The following ASIC2 variants were observed in gnomAD, a reference collection of about 807,000 sequenced individuals.
The protein encoded by ASIC2 is acid sensing ion channel subunit 2.
ASIC2 carries 25 observed loss-of-function variants against 57.3 expected under a neutral mutation model. The observed-to-expected ratio is 0.44, with a 90% CI of 0.32 to 0.61. The LOEUF (loss-of-function observed/expected upper bound fraction) is 0.61. ASIC2 is among the 20% of genes least tolerant of loss of function. The pLI is 0.06. For missense variants in ASIC2, 641 were observed against 738.1 expected, an observed-to-expected ratio of 0.87 and a Z score of 1.52; for synonymous variants, 319 against 307.5, an observed-to-expected ratio of 1.04 and a Z score of -0.39.
intron 1 of ASIC2, among the ~76,000 whole-genome samples, chr17:33,492,739 A>G (rs1044181833): frequency 6.6e-6 from 1 of 152,190 alleles, no homozygotes; most frequent in Non-Finnish European, 1.5e-5. Flanking sequence ...CATCTCTACC[A>G]TCTGTGATCC....
At chr17:33,018,426 G>A (rs2091819012) in intron 7 of ASIC2, among the ~76,000 whole-genome samples, 1 of 152,172 alleles carries the variant, frequency 6.6e-6, no homozygotes, top group African/African-American at 2.4e-5. Context: ...TGCATTCTCG[G>A]GCCCACCAGA....
At chr17:34,097,052 A>C (rs900127876) in intron 1 of ASIC2, among the ~76,000 whole-genome samples, 17 of 151,920 alleles carry the variant, frequency 1.1e-4, no homozygotes, top group Admixed American at 8.5e-4. Context: ...AAGAATAATA[A>C]TACTCTCTAA....
chr17:33,027,349 G>C (rs557212210), intron 4 of ASIC2, among the ~76,000 whole-genome samples: 1 of 152,126 alleles, frequency 6.6e-6, no homozygotes, highest in Admixed American at 6.5e-5. Context: ...CAAATGTCCA[G>C]TATAAGGATT....
chr17:34,121,702 T>A (rs1009787321), intron 1 of ASIC2, among the ~76,000 whole-genome samples: 3 of 152,224 alleles, frequency 2.0e-5, no homozygotes, highest in East Asian at 3.8e-4. Context: ...TACTTCATGA[T>A]GAAGGCTGTA....
intron 1 of ASIC2, among the ~76,000 whole-genome samples, chr17:33,579,135 CAGT>C (rs906553939): frequency 3.9e-4 from 60 of 151,934 alleles, no homozygotes; most frequent in Non-Finnish European, 7.1e-4. Flanking sequence ...AAATATAAAA[CAGT>C]AGCCAGGCAT....
chr17:33,758,148 C>T (rs544942745), intron 1 of ASIC2, among the ~76,000 whole-genome samples: 3 of 152,030 alleles, frequency 2.0e-5, no homozygotes, highest in Non-Finnish European at 4.4e-5. Context: ...GCAATAATAA[C>T]CAAAATTCAT....
chr17:33,931,371 C>T (rs1001624051), intron 1 of ASIC2: 2 of 152,202 alleles, frequency 1.3e-5, no homozygotes, highest in African/African-American at 4.8e-5. Flanking sequence ...CATACAATGT[C>T]TGGAATCTAT....
chr17:33,478,343 C>T (rs528747173), intron 1 of ASIC2, among the ~76,000 whole-genome samples: 1 of 152,206 alleles, frequency 6.6e-6, no homozygotes, highest in East Asian at 1.9e-4. Context: ...TTTAACTTCC[C>T]TTTATTTTTC....
At chr17:33,290,657 C>G (rs907169259) in intron 1 of ASIC2, 2 of 152,268 alleles carry the variant, frequency 1.3e-5, no homozygotes, top group Admixed American at 6.5e-5. Context: ...ATCCTCCAGA[C>G]CAGAAGACCC....
At chr17:34,152,912 T>C (rs1567617752) in intron 1 of ASIC2, among the ~76,000 whole-genome samples, 2 of 149,232 alleles carry the variant, frequency 1.3e-5, no homozygotes, top group Non-Finnish European at 3.0e-5. Context: ...AGCTGTCTTC[T>C]GCTTTTCCAG....
intron 1 of ASIC2, among the ~76,000 whole-genome samples, chr17:33,897,918 A>C (rs1017553771): frequency 6.6e-6 from 1 of 152,204 alleles, no homozygotes; most frequent in East Asian, 1.9e-4. Flanking sequence ...GAAATCGAAG[A>C]TGGATGATGA....
At chr17:34,047,220 G>C (rs1379067716) in intron 1 of ASIC2, among the ~76,000 whole-genome samples, 1 of 152,052 alleles carries the variant, frequency 6.6e-6, no homozygotes, top group Non-Finnish European at 1.5e-5. Context: ...ATACGTGTAT[G>C]TATTCAACAT....
chr17:33,702,402 G>A (rs16968785), intron 1 of ASIC2, among the ~76,000 whole-genome samples: 21,289 of 152,160 alleles, frequency 0.14, 1,538 homozygotes, highest in African/African-American at 0.15. Flanking sequence ...GGATGAAAAC[G>A]TGAAATCTCT....
At chr17:33,902,601 C>T (rs902545870) in intron 1 of ASIC2, among the ~76,000 whole-genome samples, 11 of 152,146 alleles carry the variant, frequency 7.2e-5, no homozygotes, top group African/African-American at 1.4e-4. Context: ...CCATGCCGGC[C>T]GGGCTGGGGC....
chr17:33,900,066 A>C (rs1179461906), intron 1 of ASIC2, among the ~76,000 whole-genome samples: 2 of 152,240 alleles, frequency 1.3e-5, no homozygotes, highest in African/African-American at 2.4e-5. Context: ...GTGATCACAC[A>C]TTTCAAAAAG....
intron 1 of ASIC2, among the ~76,000 whole-genome samples, chr17:33,727,839 A>G (rs1909613984): frequency 6.6e-6 from 1 of 152,204 alleles, no homozygotes; most frequent in Admixed American, 6.5e-5. Context: ...CCTTTGGAGA[A>G]GGAAACTTCT....
intron 1 of ASIC2, chr17:33,530,268 A>G (rs1187190657): frequency 1.3e-5 from 2 of 152,264 alleles, no homozygotes; most frequent in East Asian, 1.9e-4. Context: ...TTCAACCAAC[A>G]CAGAACCTAA....
chr17:33,939,963 T>C (rs1163509003), intron 1 of ASIC2, among the ~76,000 whole-genome samples: 2 of 152,126 alleles, frequency 1.3e-5, no homozygotes, highest in African/African-American at 4.8e-5. Flanking sequence ...CTCATCAAGG[T>C]GACTCCTGAG....
At chr17:33,917,810 G>A (rs1175247458) in intron 1 of ASIC2, among the ~76,000 whole-genome samples, 1 of 151,196 alleles carries the variant, frequency 6.6e-6, no homozygotes, top group East Asian at 1.9e-4. Context: ...ATATTTCTAG[G>A]GCCTTATGAT....
Sources: allele counts gnomAD v4.1 joint callset (sites outside exome capture counted in the v4.1 genomes callset), GRCh38; gene constraint gnomAD v4.1.1; transcripts MANE v1.5; gene names NCBI Gene and HGNC (gene_info 2026-07-23, HGNC 2026-07-21).